Variants in BCAS4 observed in about 807,000 individuals in gnomAD.
BCAS4 encodes the protein breast carcinoma-amplified sequence 4.
In BCAS4, 9 loss-of-function variants were observed where a neutral mutation model predicts 15.7. That is an observed-to-expected ratio of 0.57 (90% CI 0.34 to 1.00). BCAS4 has a LOEUF of 1.00. BCAS4 is among the 50% of genes least tolerant of loss of function. The pLI is 0.02. For synonymous variants in BCAS4, 101 were observed against 99.5 expected (o/e 1.02, Z -0.09); for missense variants, 225 against 239.1 (o/e 0.94, Z 0.39).
intron 1 of BCAS4, among the ~76,000 whole-genome samples, chr20:50,816,020 A>G (rs899565753): frequency 6.6e-6 from 1 of 152,100 alleles, no homozygotes; most frequent in Non-Finnish European, 1.5e-5. Context: ...GGGAAAAAAA[A>G]CCTAATTTTT....
At chr20:50,852,671 T>C (rs6013028) in intron 4 of BCAS4, among the ~76,000 whole-genome samples, 57,164 of 152,174 alleles carry the variant, frequency 0.38, 14,963 homozygotes, top group African/African-American at 0.75. Flanking sequence ...TGTGAACCAC[T>C]GCACCCGGCC....
chr20:50,798,460 G>C (rs2087892153), intron 1 of BCAS4, among the ~76,000 whole-genome samples: 2 of 152,156 alleles, frequency 1.3e-5, no homozygotes, highest in African/African-American at 4.8e-5. Flanking sequence ...GATCACTTGA[G>C]CCCAAGGAGT....
In BCAS4 at chr20:50,876,526, C is replaced by T. The variant is rs762177429; in HGVS notation, c.440C>T (p.Thr147Ile). 1 of 1,614,086 alleles carries T rather than the reference C, an allele frequency of 6.2e-7. No individual in the cohort carries two copies. Among genetic ancestry groups the T allele is most frequent in the Non-Finnish European group, 8.5e-7 (1 of 1,179,996 alleles). Residue 147 changes from threonine to isoleucine, a missense_variant, in exon 5 of 5, where the codon ACA becomes ATA. Transcript: ENST00000371608. ...APVPVTYELP[T>I]LYRTEDYFPV... ...GTGCCCGTGACGTACGAGCTGCCCA[C>T]ACTGTATAGGACGGAGGACTATTTT...
At chr20:50,876,222 A>AT (rs2122700422) in intron 4 of BCAS4, 1 of 432,264 alleles carries the variant, frequency 2.3e-6, no homozygotes, top group East Asian at 5.2e-5. Flanking sequence ...AAGTGCTGGG[A>AT]TTACAGTCAT....
intron 1 of BCAS4, among the ~76,000 whole-genome samples, chr20:50,797,753 C>T (rs1026816861): frequency 1.3e-5 from 2 of 151,796 alleles, no homozygotes; most frequent in African/African-American, 2.4e-5. Flanking sequence ...GCAACCTCCA[C>T]CTCCTGGGTT....
intron 4 of BCAS4, among the ~76,000 whole-genome samples, chr20:50,853,914 C>A (rs569069281): frequency 6.6e-5 from 10 of 152,000 alleles, no homozygotes; most frequent in African/African-American, 1.9e-4. Context: ...TCTCTAGCCT[C>A]ACTCGCTAGA....
At chr20:50,797,228 G>C (rs1041148852) in intron 1 of BCAS4, among the ~76,000 whole-genome samples, 12 of 152,200 alleles carry the variant, frequency 7.9e-5, no homozygotes, top group African/African-American at 2.9e-4. Context: ...ATGGAAAAAT[G>C]TGTGGGGACT....
At chr20:50,873,782 G>C (rs1302012587) in intron 4 of BCAS4, among the ~76,000 whole-genome samples, 1 of 152,226 alleles carries the variant, frequency 6.6e-6, no homozygotes. Flanking sequence ...AGCAGGCTGA[G>C]CCAAGAGTGG....
intron 4 of BCAS4, among the ~76,000 whole-genome samples, chr20:50,871,070 C>T (rs1195976503): frequency 6.6e-6 from 1 of 152,198 alleles, no homozygotes; most frequent in Admixed American, 6.5e-5. Flanking sequence ...AGCCGGAGGG[C>T]GAGAGGTGGG....
downstream of BCAS4, chr20:50,878,238 C>T (rs1980036256): frequency 6.6e-6 from 1 of 152,028 alleles, no homozygotes; most frequent in Non-Finnish European, 1.5e-5. Context: ...GGCATGATCT[C>T]AGCTCACTGC....
chr20:50,795,004 C>A (rs1400045981), upstream of BCAS4: 14 of 1,349,540 alleles, frequency 1.0e-5, no homozygotes, highest in Non-Finnish European at 1.3e-5. Context: ...ATGCAGCGGA[C>A]CGGGGGCGGG....
At chr20:50,814,371 A>G (rs1416636649) in intron 1 of BCAS4, among the ~76,000 whole-genome samples, 3 of 152,202 alleles carry the variant, frequency 2.0e-5, no homozygotes, top group Admixed American at 1.3e-4. Context: ...CTGTAGCCTC[A>G]ACCTCCTGGG....
At chr20:50,848,910 C>A (rs554764654) in intron 4 of BCAS4, among the ~76,000 whole-genome samples, 1 of 152,380 alleles carries the variant, frequency 6.6e-6, no homozygotes, top group African/African-American at 2.4e-5. Flanking sequence ...TCCCTGAGAC[C>A]CTGCTAGAGG....
rs566645256 is a variant in BCAS4, at chr20:50,841,900, C to T, written c.399C>T (p.Asn133=). ...LGSAGLPSFR[N]KSPAPVPVTY... ...CCGCAGGGCTCCCCTCCTTCAGGAA[C>T]GTGAGTATCCTGCCCCGAGAAGTGA... Residue 133 remains asparagine (N), a splice_region_variant and synonymous_variant, in exon 4 of 5, where the codon AAC becomes AAT. Coordinates refer to ENST00000371608, the MANE Select transcript of BCAS4 (RefSeq NM_198799.4). 22 of 1,575,064 alleles carry T rather than the reference C, an allele frequency of 1.4e-5. No homozygotes were observed. Among genetic ancestry groups the T allele is most frequent in the South Asian group, 2.3e-5 (2 of 86,652 alleles).
At chr20:50,837,563 C>G (rs2088424356) in intron 3 of BCAS4, among the ~76,000 whole-genome samples, 1 of 152,210 alleles carries the variant, frequency 6.6e-6, no homozygotes, top group Non-Finnish European at 1.5e-5. Flanking sequence ...CAGTCATGCT[C>G]CCTGCACCCA....
At chr20:50,809,190 T>C (rs2088030675) in intron 1 of BCAS4, among the ~76,000 whole-genome samples, 1 of 150,422 alleles carries the variant, frequency 6.6e-6, no homozygotes, top group African/African-American at 2.5e-5. Flanking sequence ...CATTGGTCTA[T>C]GTGCCTATTT....
intron 1 of BCAS4, among the ~76,000 whole-genome samples, chr20:50,816,571 G>A (rs1051316519): frequency 6.6e-6 from 1 of 152,188 alleles, no homozygotes; most frequent in Non-Finnish European, 1.5e-5. Context: ...AGCAGCTGGA[G>A]GACTGGATGA....
intron 3 of BCAS4, among the ~76,000 whole-genome samples, chr20:50,836,406 A>G (rs939342248): frequency 6.6e-6 from 1 of 152,170 alleles, no homozygotes; most frequent in African/African-American, 2.4e-5. Context: ...CCAGGAAAGG[A>G]ATGTGCCATC....
chr20:50,839,400 A>T (rs549026496), intron 3 of BCAS4, among the ~76,000 whole-genome samples: 1 of 152,366 alleles, frequency 6.6e-6, no homozygotes, highest in East Asian at 1.9e-4. Flanking sequence ...AACATTGAAT[A>T]AAACAAGATT....
Sources: gnomAD v4.1 joint callset for allele counts (sites outside exome capture counted in the v4.1 genomes callset) on GRCh38, gnomAD v4.1.1 for gene constraint, MANE v1.5 for transcripts, NCBI Gene and HGNC (gene_info 2026-07-23, HGNC 2026-07-21) for gene names.